Variants in SBNO1 observed in about 807,000 individuals in gnomAD.
SBNO1 encodes protein strawberry notch homolog 1.
In SBNO1, 23 loss-of-function variants were observed where a neutral mutation model predicts 173.6. The observed-to-expected ratio is 0.13, with a 90% CI of 0.10 to 0.19. SBNO1 has a LOEUF of 0.19. Among genes scored for constraint, SBNO1 ranks in the 10% least tolerant of loss-of-function variants. The pLI is 1.00. For missense variants in SBNO1, 1,238 were observed against 1,671.2 expected, an observed-to-expected ratio of 0.74 and a Z score of 4.52; for synonymous variants, 632 against 571.5, an observed-to-expected ratio of 1.11 and a Z score of -1.51.
At position 123,320,441 on chromosome 12, in the gene SBNO1, G is replaced by C; in HGVS notation, c.2658C>G (p.Asn886Lys). ...ATACAGGCCTATTTACCTCAGCAAC[G>C]TTCTCAGGGCCACCAAGTTCATCGA... ...ELIDELGGPE[N>K]VAEMTGRKGR... Residue 886 changes from asparagine (N) to lysine (K), a missense_variant, in exon 19 of 32, where the codon AAC becomes AAG. Asn to Lys is a moderately conservative substitution (Grantham distance 94). Transcript: ENST00000602398. The C allele has an allele frequency of 6.2e-7, 1 of 1,613,074 alleles. No homozygotes were observed. The highest frequency in any genetic ancestry group is 8.5e-7 in the Non-Finnish European group (1 of 1,179,562).
At chr12:123,327,291 A>C in intron 13 of SBNO1, 135 bp downstream of exon 13, 14 of 740,284 alleles carry the variant, frequency 1.9e-5, no homozygotes, top group Non-Finnish European at 3.1e-5. Flanking sequence ...GGCATGAGAC[A>C]CCGTGCCTGG....
In SBNO1 at chr12:123,338,554, C is replaced by T. The variant is rs933642391; in HGVS notation, c.652-2063G>A. The stretch of plus-strand genomic sequence containing the variant: ...AAAGAAAATTAGCAGGGCGTAGTGG[C>T]GGGCGCCTGTAATCCCAGCTACTTG... On this transcript the variant is annotated intron_variant, in intron 5 of 31. Transcript: ENST00000602398. Among the ~76,000 whole-genome samples the T allele has an allele frequency of 4.6e-5, 7 of 152,098 alleles. No individual in the cohort carries two copies. The East Asian group carries it at 1.2e-3, about 25-fold the overall frequency.
intron 21 of SBNO1, among the ~76,000 whole-genome samples, chr12:123,316,490 C>T (rs1198570963): frequency 6.6e-6 from 1 of 152,138 alleles, no homozygotes; most frequent in Non-Finnish European, 1.5e-5. Flanking sequence ...TGCCAAAGTG[C>T]TGGGATTACA....
intron 4 of SBNO1, among the ~76,000 whole-genome samples, 193 bp downstream of exon 4, chr12:123,345,065 A>G (rs1872966615): frequency 6.6e-6 from 1 of 152,222 alleles, no homozygotes; most frequent in Admixed American, 6.5e-5. Flanking sequence ...CACATTTCAA[A>G]GCTAAACAAC....
intron 8 of SBNO1, among the ~76,000 whole-genome samples, 168 bp downstream of exon 8, chr12:123,331,074 T>C (rs1288494928): frequency 2.0e-5 from 3 of 151,904 alleles, no homozygotes; most frequent in African/African-American, 7.2e-5. Flanking sequence ...GCCATTCTCC[T>C]GCCTCAGCCT....
In SBNO1 at chr12:123,309,420, A is replaced by C. The variant is rs1373587918; in HGVS notation, c.3538-18T>G. 1.2e-6 allele frequency: 2 copies of C among 1,609,338 alleles called. No homozygotes were observed. Among genetic ancestry groups the C allele is most frequent in the Admixed American group, 3.3e-5 (2 of 60,010 alleles). On this transcript the variant is annotated intron_variant, in intron 27 of 31. Transcript: ENST00000602398. Reference sequence around the variant, plus strand: ...ACACTAATCTGTAAGAGAAACAACGAAATTTAAACTCATTTCTGTAAATGC... The same window carrying C: ...ACACTAATCTGTAAGAGAAACAACGCAATTTAAACTCATTTCTGTAAATGC...
chr12:123,318,176 A>C (rs1455682313), intron 20 of SBNO1, among the ~76,000 whole-genome samples: 1 of 151,776 alleles, frequency 6.6e-6, no homozygotes, highest in Non-Finnish European at 1.5e-5. Context: ...CTGGTCTCAA[A>C]CTCTTGTAAT....
intron 5 of SBNO1, among the ~76,000 whole-genome samples, chr12:123,337,594 A>T (rs1351429114): frequency 6.6e-6 from 1 of 152,200 alleles, no homozygotes; most frequent in African/African-American, 2.4e-5. Context: ...ACATTAACCT[A>T]TGGAGTCTTT....
In SBNO1 at chr12:123,364,784, C is replaced by CG; in HGVS notation, c.-85dup. On this transcript the variant is annotated 5_prime_UTR_variant, in exon 1 of 32. Coordinates refer to ENST00000602398, the MANE Select transcript of SBNO1 (RefSeq NM_001167856.3). ...CCAGAGGCGACTGGAGCGGAGGCGG[C>CG]GGTGGCGGCGGCAGCAGCGGCGTCC... 1.0e-6 allele frequency: 1 copy of CG among 987,864 alleles called. No homozygotes were observed. Among genetic ancestry groups the CG allele is most frequent in the Non-Finnish European group, 1.2e-6 (1 of 831,924 alleles). The allele number at this position is 987,864 out of a possible 1,614,324, so 61.2% of individuals were successfully genotyped here. A position where few individuals can be genotyped will look rare whatever the true frequency, so the allele number is the denominator to read the frequency against.
At chr12:123,315,909 T>A (rs1869201814) in intron 21 of SBNO1, among the ~76,000 whole-genome samples, 1 of 152,242 alleles carries the variant, frequency 6.6e-6, no homozygotes, top group Admixed American at 6.5e-5. Context: ...CCCAAAATTG[T>A]TTTTCAAATC....
chr12:123,358,300 A>C (rs1259369313), intron 1 of SBNO1, among the ~76,000 whole-genome samples: 2 of 152,216 alleles, frequency 1.3e-5, no homozygotes, highest in African/African-American at 4.8e-5. Flanking sequence ...GTCAGTGCTG[A>C]AAGTTTCAGA....
intron 4 of SBNO1, among the ~76,000 whole-genome samples, chr12:123,342,726 G>A (rs1335925156): frequency 6.6e-6 from 1 of 151,960 alleles, no homozygotes; most frequent in African/African-American, 2.4e-5. Context: ...ACTGAATAGG[G>A]GTGGGAGGTA....
At chr12:123,299,782 G>A (rs958104172) in intron 30 of SBNO1, among the ~76,000 whole-genome samples, 1 of 152,082 alleles carries the variant, frequency 6.6e-6, no homozygotes, top group Non-Finnish European at 1.5e-5. Flanking sequence ...GAACCTGGGA[G>A]GCAGAAGGTG....
intron 18 of SBNO1, 32 bp from the exon 19 acceptor site, chr12:123,320,639 C>A (rs757916778): frequency 3.7e-6 from 6 of 1,600,316 alleles, no homozygotes; most frequent in East Asian, 4.5e-5. Context: ...AAAGTTAGTA[C>A]AAAGTTTAAA....
Position 123,347,962 on chromosome 12 carries a change from C to G in SBNO1, c.237+67G>C. 6.2e-6 allele frequency: 6 copies of G among 962,910 alleles called. 1 individual carries two copies. In the Middle Eastern group the frequency reaches 1.4e-3, roughly 230 times the overall value. The allele number at this position is 962,910 out of a possible 1,614,324, so 59.6% of individuals were successfully genotyped here. ...GACTACAGGTGCGAATCACCACACC[C>G]GGCCATGTTTTCTCACTACACTTCT... On this transcript the variant is annotated intron_variant, in intron 3 of 31. Coordinates refer to ENST00000602398, the MANE Select transcript of SBNO1 (RefSeq NM_001167856.3).
chr12:123,330,529 C>T lies in SBNO1; in HGVS notation c.1044-20G>A, dbSNP rs1281122693. ...CTAAACCTGCCAAAATATTAAAAAGCACAAATTAAATACAAATTATATCAT... is the reference window on the plus strand; with the variant it reads ...CTAAACCTGCCAAAATATTAAAAAGTACAAATTAAATACAAATTATATCAT... On this transcript the variant is annotated intron_variant, in intron 8 of 31. Coordinates refer to ENST00000602398, the MANE Select transcript of SBNO1 (RefSeq NM_001167856.3). The T allele has an allele frequency of 1.5e-6, 2 of 1,350,546 alleles. No homozygotes were observed. Among genetic ancestry groups the T allele is most frequent in the Non-Finnish European group, 2.1e-6 (2 of 972,408 alleles). 83.7% of individuals were successfully genotyped at this position (1,350,546 alleles called of 1,614,324 possible).
chr12:123,361,036 G>C (rs950215914), intron 1 of SBNO1, among the ~76,000 whole-genome samples: 1 of 152,164 alleles, frequency 6.6e-6, no homozygotes, highest in African/African-American at 2.4e-5. Flanking sequence ...ACGAGATCAA[G>C]AGATTGAAAC....
At chr12:123,299,357 G>C (rs1041064255) in intron 30 of SBNO1, among the ~76,000 whole-genome samples, 4 of 150,548 alleles carry the variant, frequency 2.7e-5, no homozygotes, top group African/African-American at 7.3e-5. Context: ...AACAGAGTGA[G>C]ACTCTGTCTC....
intron 5 of SBNO1, among the ~76,000 whole-genome samples, chr12:123,338,783 G>C (rs1872161618): frequency 6.6e-6 from 1 of 152,230 alleles, no homozygotes; most frequent in Admixed American, 6.5e-5. Context: ...TGAGGCAGAA[G>C]AATCACTTGA....
Sources: allele counts gnomAD v4.1 joint callset (sites outside exome capture counted in the v4.1 genomes callset), GRCh38; gene constraint gnomAD v4.1.1; transcripts MANE v1.5; gene names NCBI Gene and HGNC (gene_info 2026-07-23, HGNC 2026-07-21).